The following CBLN2 variants were observed in gnomAD, a reference collection of about 807,000 sequenced individuals.
The protein encoded by CBLN2 is cerebellin-2.
CBLN2 carries 7 observed loss-of-function variants against 15.0 expected under a neutral mutation model. The ratio of observed to expected loss-of-function variants is 0.47; its 90% CI spans 0.27 to 0.88. The LOEUF (loss-of-function observed/expected upper bound fraction) is 0.88. Among genes scored for constraint, CBLN2 ranks in the 40% least tolerant of loss-of-function variants. The pLI, the probability that CBLN2 is intolerant of heterozygous loss-of-function variation, is 0.14. For missense variants in CBLN2, 242 were observed against 304.5 expected, an observed-to-expected ratio of 0.79 and a Z score of 1.53; for synonymous variants, 149 against 135.2, an observed-to-expected ratio of 1.10 and a Z score of -0.71.
intron 1 of CBLN2, among the ~76,000 whole-genome samples, chr18:72,607,081 T>G (rs544377855): frequency 6.4e-4 from 97 of 152,284 alleles, no homozygotes; most frequent in African/African-American, 2.2e-3. Context: ...GTGTCCTCAA[T>G]AAATAAGGAA....
At chr18:72,618,470 G>A (rs2069677721) in intron 1 of CBLN2, 1 of 664,728 alleles carries the variant, frequency 1.5e-6, no homozygotes, top group East Asian at 3.1e-5. Flanking sequence ...TGGAGGAGGT[G>A]GATGCAGCCA....
At chr18:72,602,383 AT>A (rs1014913025) in intron 1 of CBLN2, among the ~76,000 whole-genome samples, 2 of 152,114 alleles carry the variant, frequency 1.3e-5, no homozygotes, top group African/African-American at 4.8e-5. Context: ...CTGGTATCCC[AT>A]TCCAGTATTA....
chr18:72,625,698 C>CTATATATA (rs1169851043), intron 1 of CBLN2, among the ~76,000 whole-genome samples: 27 of 46,596 alleles, frequency 5.8e-4, no homozygotes, highest in African/African-American at 1.6e-3. Context: ...TATAGTATTA[C>CTATATATA]TATATATATA....
At chr18:72,568,092 C>T (rs1404464226) in intron 1 of CBLN2, among the ~76,000 whole-genome samples, 1 of 152,124 alleles carries the variant, frequency 6.6e-6, no homozygotes, top group Non-Finnish European at 1.5e-5. Context: ...CTCAGTTCCT[C>T]TGTCAAATGC....
chr18:72,567,069 T>C (rs1288068096), intron 1 of CBLN2, among the ~76,000 whole-genome samples: 1 of 152,130 alleles, frequency 6.6e-6, no homozygotes, highest in Non-Finnish European at 1.5e-5. Context: ...GCAATCCACC[T>C]GCCTCAGCCT....
Position 72,542,069 on chromosome 18 carries a change from C to G in CBLN2, c.92G>C (p.Cys31Ser). The stretch of plus-strand genomic sequence containing the variant: ...CAGCAGGGCCAGCGCCACCCCCAGG[C>G]AGGATCCGCAGCCGCCCGGCTCGCG... The part of the protein sequence containing the change: ...ALREPGGCGS[C>S]LGVALALLLL... The change falls in exon 3 of 5, where the codon TGC (cysteine) becomes TCC (serine). Residue 31 changes from cysteine to serine, a missense_variant. Cys to Ser is a moderately radical substitution (Grantham distance 112). Around this residue, in one of 4 missense-constraint regions of CBLN2, gnomAD observed 96 missense variants for 83.8 expected, o/e 1.15. Coordinates refer to ENST00000269503, the MANE Select transcript of CBLN2 (RefSeq NM_182511.4). The G allele has an allele frequency of 1.9e-6, 3 of 1,558,892 alleles. No individual in the cohort carries two copies. The South Asian group carries it at 3.5e-5, about 18-fold the overall frequency.
At chr18:72,570,262 G>T (rs7236978) in intron 1 of CBLN2, among the ~76,000 whole-genome samples, 1 of 149,906 alleles carries the variant, frequency 6.7e-6, no homozygotes. Context: ...CAACAGCACT[G>T]TTTTCTTCCT....
rs1278127725 is a variant in CBLN2 at position 72,538,359 on chromosome 18, C to A, written c.492G>T (p.Gln164His). 6.2e-7 allele frequency: 1 copy of A among 1,614,190 alleles called. No homozygotes were observed. Among genetic ancestry groups the A allele is most frequent in the African/African-American group, 1.3e-5 (1 of 75,052 alleles). The change falls in exon 5 of 5, where the codon CAG becomes CAT. Residue 164 changes from glutamine to histidine, a missense_variant. Physicochemically the swap from Gln to His is conservative, Grantham distance 24. Coordinates refer to ENST00000269503, the MANE Select transcript of CBLN2 (RefSeq NM_182511.4). ...AGGCCGAGATCACTGGGTAGCCATT[C>A]TGCATTAAACTGACCTAAAATGCAG... ...NRQTIQVSLM[Q>H]NGYPVISAFA...
chr18:72,570,281 GGT>G (rs768412269), intron 1 of CBLN2, among the ~76,000 whole-genome samples: 144 of 95,118 alleles, frequency 1.5e-3, no homozygotes, highest in South Asian at 4.3e-3. Flanking sequence ...CTTTCTTTCT[GGT>G]TTTTTTTTTT....
intron 1 of CBLN2, among the ~76,000 whole-genome samples, chr18:72,634,916 T>C (rs968582556): frequency 3.3e-5 from 5 of 152,186 alleles, no homozygotes; most frequent in Admixed American, 6.5e-5. Context: ...ACGCAGTTTT[T>C]GTTTTCTAGA....
rs896874255 is a variant in CBLN2 at position 72,537,700 on chromosome 18, T to C, written c.*476A>G. On this transcript the variant is annotated 3_prime_UTR_variant, in exon 5 of 5. Coordinates refer to ENST00000269503, the MANE Select transcript of CBLN2 (RefSeq NM_182511.4). ...AGAATGAAAGTGAAGCCATTCTTTT[T>C]CTTAAGGCTATACAGACACACACAG... 2 of 158,988 alleles carry C rather than the reference T, an allele frequency of 1.3e-5. No homozygotes were observed. Among genetic ancestry groups the C allele is most frequent in the African/African-American group, 4.8e-5 (2 of 41,510 alleles). The allele number at this position is 158,988 out of a possible 1,614,324, so 9.8% of individuals were successfully genotyped here.
intron 1 of CBLN2, among the ~76,000 whole-genome samples, chr18:72,637,489 G>C (rs1481954618): frequency 6.6e-6 from 1 of 152,192 alleles, no homozygotes; most frequent in Non-Finnish European, 1.5e-5. Context: ...GGGCACAGAG[G>C]CTGGCGTGAA....
chr18:72,636,781 C>G (rs1459013774), intron 1 of CBLN2, among the ~76,000 whole-genome samples: 1 of 152,048 alleles, frequency 6.6e-6, no homozygotes, highest in Non-Finnish European at 1.5e-5. Context: ...AAAATTGTTT[C>G]CACTTGGCAT....
chr18:72,602,225 T>C (rs2069553659), intron 1 of CBLN2, among the ~76,000 whole-genome samples: 1 of 152,150 alleles, frequency 6.6e-6, no homozygotes, highest in Admixed American at 6.5e-5. Context: ...TCAGATAACA[T>C]CTTCCTTCAA....
chr18:72,583,337 G>A (rs1410379669), intron 1 of CBLN2, among the ~76,000 whole-genome samples: 1 of 152,106 alleles, frequency 6.6e-6, no homozygotes, highest in Non-Finnish European at 1.5e-5. Flanking sequence ...CAAAAGCAGC[G>A]GCTCTTTCTT....
chr18:72,579,039 A>G (rs2069386557), intron 1 of CBLN2, among the ~76,000 whole-genome samples: 1 of 152,176 alleles, frequency 6.6e-6, no homozygotes, highest in Non-Finnish European at 1.5e-5. Flanking sequence ...GTCAATTACA[A>G]ATGATGCTCA....
intron 1 of CBLN2, among the ~76,000 whole-genome samples, chr18:72,559,675 A>G (rs781093177): frequency 1.3e-5 from 2 of 152,242 alleles, no homozygotes. Flanking sequence ...CGGCATTTAA[A>G]ATGAATTCAC....
Position 72,541,917 on chromosome 18 carries a change from GGGA to G in CBLN2, c.241_243del (p.Ser81del). 2 of 1,608,496 alleles carry G rather than the reference GGGA, an allele frequency of 1.2e-6. No homozygotes were observed. The highest frequency in any genetic ancestry group is 1.7e-6 in the Non-Finnish European group (2 of 1,179,486). On this transcript the variant is annotated inframe_deletion, in exon 3 of 5. Transcript: ENST00000269503. ...CTGCCGGAGCGCACGGAGATGCCTA[GGGA>G]GGAGGTGACGGCGCCGTCCGCCGAC...
intron 1 of CBLN2, among the ~76,000 whole-genome samples, chr18:72,569,796 C>T (rs989233633): frequency 2.6e-5 from 4 of 152,096 alleles, no homozygotes; most frequent in Admixed American, 6.6e-5. Context: ...GGGATTCTCC[C>T]CTACGATCTA....
Sources: gnomAD v4.1 joint callset for allele counts (sites outside exome capture counted in the v4.1 genomes callset) on GRCh38, gnomAD v4.1.1 for gene constraint, gnomAD v4.1.1 regional missense constraint, MANE v1.5 for transcripts, NCBI Gene and HGNC (gene_info 2026-07-23, HGNC 2026-07-21) for gene names.